PDGFD: variants seen among roughly 807,000 people sequenced by gnomAD.
The protein encoded by PDGFD is platelet-derived growth factor D.
A neutral mutation model predicts 44.7 loss-of-function variants in PDGFD; 30 were observed. That is an observed-to-expected ratio of 0.67 (90% CI 0.50 to 0.91). The LOEUF (loss-of-function observed/expected upper bound fraction) is 0.91. Ranked by LOEUF, PDGFD falls within the 40% of genes least tolerant of loss-of-function variation. PDGFD has a pLI of 0.00. For missense variants in PDGFD, 445 were observed against 457.8 expected (o/e 0.97, Z 0.25); for synonymous variants, 173 against 168.4 (o/e 1.03, Z -0.21).
Position 104,047,065 on chromosome 11 carries a change from T to C in PDGFD, c.125-46810A>G, listed in dbSNP as rs1860453461. Reference sequence around the variant, plus strand: ...TTCATCCATGTCCCTGCAGAGGACATGAACTCATCCTTTTTTATGGCTGCA... The same window carrying C: ...TTCATCCATGTCCCTGCAGAGGACACGAACTCATCCTTTTTTATGGCTGCA... On this transcript the variant is annotated intron_variant, in intron 1 of 6. Transcript: ENST00000393158. 2.7e-5 allele frequency among the ~76,000 whole-genome samples: 4 copies of C among 147,332 alleles called. No individual in the cohort carries two copies. The South Asian group carries it at 9.2e-4, about 34-fold the overall frequency.
chr11:104,070,487 T>C (rs768107722), intron 1 of PDGFD, among the ~76,000 whole-genome samples: 8 of 152,214 alleles, frequency 5.3e-5, no homozygotes, highest in African/African-American at 1.2e-4. Context: ...AGTTTCAGAA[T>C]TGCTGACCCA....
chr11:104,094,025 T>C (rs2134439316), intron 1 of PDGFD, among the ~76,000 whole-genome samples: 1 of 151,882 alleles, frequency 6.6e-6, no homozygotes, highest in Admixed American at 6.6e-5. Context: ...TTCACCTCAC[T>C]CTACTCTTGC....
chr11:104,104,672 T>C (rs1861447406), intron 1 of PDGFD, among the ~76,000 whole-genome samples: 3 of 152,094 alleles, frequency 2.0e-5, no homozygotes, highest in Admixed American at 2.0e-4. Flanking sequence ...GTGAGTAAAT[T>C]CTATTATGTT....
intron 5 of PDGFD, among the ~76,000 whole-genome samples, chr11:103,936,473 A>C (rs1490862981): frequency 1.3e-5 from 2 of 152,216 alleles, no homozygotes; most frequent in Non-Finnish European, 1.5e-5. Context: ...TAAATGATAA[A>C]ATTTTTTTAA....
intron 1 of PDGFD, among the ~76,000 whole-genome samples, chr11:104,049,977 T>C (rs1860504176): frequency 6.6e-6 from 1 of 152,092 alleles, no homozygotes; most frequent in Non-Finnish European, 1.5e-5. Context: ...CAGAGAAACA[T>C]CATAACAATA....
chr11:104,022,562 T>C (rs1859976965), intron 1 of PDGFD, among the ~76,000 whole-genome samples: 2 of 151,918 alleles, frequency 1.3e-5, no homozygotes, highest in South Asian at 2.1e-4. Flanking sequence ...CTGCAACCTA[T>C]AGGGGAAAGG....
chr11:103,985,182 T>C (rs1859344041), intron 3 of PDGFD, among the ~76,000 whole-genome samples: 1 of 135,970 alleles, frequency 7.4e-6, no homozygotes, highest in East Asian at 2.0e-4. Flanking sequence ...TTAATTTATT[T>C]AATATATAAT....
chr11:103,946,213 G>T (rs982638749), intron 4 of PDGFD, among the ~76,000 whole-genome samples: 29 of 152,188 alleles, frequency 1.9e-4, no homozygotes, highest in African/African-American at 7.0e-4. Flanking sequence ...GGTTTAAACA[G>T]AAGTCAATGG....
chr11:103,974,635 C>A (rs260825), intron 3 of PDGFD, among the ~76,000 whole-genome samples: 32,879 of 151,854 alleles, frequency 0.22, 3,913 homozygotes, highest in Admixed American at 0.35. Context: ...CCTTGCCCCC[C>A]ACCTCCTCAC....
chr11:104,122,262 C>CT (rs1164568720), intron 1 of PDGFD, among the ~76,000 whole-genome samples: 87 of 151,172 alleles, frequency 5.8e-4, no homozygotes, highest in African/African-American at 1.7e-3. Context: ...CATTTTTCCT[C>CT]TTTTTTTTTG....
intron 1 of PDGFD, among the ~76,000 whole-genome samples, chr11:104,105,718 A>G (rs1225532636): frequency 6.6e-6 from 1 of 152,122 alleles, no homozygotes; most frequent in African/African-American, 2.4e-5. Context: ...TAGGAAAATA[A>G]TGTCTCATGG....
intron 1 of PDGFD, among the ~76,000 whole-genome samples, chr11:104,020,634 G>T (rs1859935452): frequency 6.6e-6 from 1 of 152,020 alleles, no homozygotes; most frequent in Non-Finnish European, 1.5e-5. Context: ...ACTATATTTT[G>T]GGAGTACTGG....
chr11:104,141,508 C>T (rs867918577), intron 1 of PDGFD, among the ~76,000 whole-genome samples: 2 of 151,786 alleles, frequency 1.3e-5, no homozygotes, highest in Non-Finnish European at 2.9e-5. Context: ...CTTATTAGCT[C>T]ACTGTAAATT....
chr11:104,014,572 T>C (rs952818591), intron 1 of PDGFD, among the ~76,000 whole-genome samples: 4 of 152,202 alleles, frequency 2.6e-5, no homozygotes, highest in African/African-American at 4.8e-5. Context: ...CTAGAATCTT[T>C]TTTTCAGATG....
intron 1 of PDGFD, among the ~76,000 whole-genome samples, chr11:104,115,696 C>T (rs546299601): frequency 3.3e-5 from 5 of 152,034 alleles, no homozygotes; most frequent in African/African-American, 9.6e-5. Flanking sequence ...CACACCAACA[C>T]CTATTATTTT....
chr11:104,005,475 A>G (rs1859687518), intron 1 of PDGFD, among the ~76,000 whole-genome samples: 1 of 152,200 alleles, frequency 6.6e-6, no homozygotes, highest in African/African-American at 2.4e-5. Context: ...GAAGAGTTGT[A>G]ATGAATTATA....
intron 1 of PDGFD, among the ~76,000 whole-genome samples, chr11:104,064,946 T>C (rs1159172358): frequency 6.6e-6 from 1 of 152,270 alleles, no homozygotes; most frequent in East Asian, 1.9e-4. Context: ...TGTGAGGGTG[T>C]TGCCAAAGGA....
chr11:103,957,821 T>C (rs1858879991), intron 3 of PDGFD, among the ~76,000 whole-genome samples: 1 of 152,276 alleles, frequency 6.6e-6, no homozygotes, highest in Middle Eastern at 3.4e-3. Context: ...GGGTGCCGCA[T>C]ACCAAGGGGC....
At chr11:104,133,558 G>A (rs1196350862) in intron 1 of PDGFD, among the ~76,000 whole-genome samples, 1 of 152,124 alleles carries the variant, frequency 6.6e-6, no homozygotes, top group Non-Finnish European at 1.5e-5. Context: ...AAGTATGGCA[G>A]TATGTGACAA....
Sources: allele counts gnomAD v4.1 joint callset (sites outside exome capture counted in the v4.1 genomes callset), GRCh38; gene constraint gnomAD v4.1.1; transcripts MANE v1.5; gene names NCBI Gene and HGNC (gene_info 2026-07-23, HGNC 2026-07-21).